Variants in MTHFSD observed in about 807,000 individuals in gnomAD.
The protein encoded by MTHFSD is methenyltetrahydrofolate synthase domain-containing protein.
A neutral mutation model predicts 31.1 loss-of-function variants in MTHFSD; 37 were observed. The ratio of observed to expected loss-of-function variants is 1.19; its 90% CI spans 0.91 to 1.56. The LOEUF is 1.56. Ranked by LOEUF, MTHFSD falls within the 40% of genes most tolerant of loss-of-function variation. The probability of loss-of-function intolerance (pLI) is 0.00; values close to 1 mark genes in which losing one functional copy is unlikely to be tolerated. For missense variants in MTHFSD, 664 were observed against 510.1 expected, an observed-to-expected ratio of 1.30 and a Z score of -2.91; for synonymous variants, 221 against 206.9, an observed-to-expected ratio of 1.07 and a Z score of -0.59.
intron 7 of MTHFSD, 164 bp downstream of exon 7, chr16:86,541,533 C>T: frequency 2.1e-6 from 2 of 936,530 alleles, no homozygotes; most frequent in Non-Finnish European, 3.2e-6. Context: ...TAGGCCTGGG[C>T]CTGGACATGG....
chr16:86,548,513 G>A lies in MTHFSD; in HGVS notation c.302C>T (p.Pro101Leu), dbSNP rs764012895. ...LRTGLFNKIT[P>L]PPGATKDILR... ...GATGTCTTTAGTTGCCCCAGGGGGTGGTGTGATCTTATTAAACAATCCCGT... is the reference window on the plus strand; with the variant it reads ...GATGTCTTTAGTTGCCCCAGGGGGTAGTGTGATCTTATTAAACAATCCCGT... Residue 101 changes from proline to leucine, a missense_variant, in exon 4 of 8, where the codon CCA becomes CTA. Physicochemically the swap from Pro to Leu is moderately conservative, Grantham distance 98. Transcript: ENST00000360900. The A allele has an allele frequency of 2.5e-6, 4 of 1,613,712 alleles. No homozygotes were observed. Among genetic ancestry groups the A allele is most frequent in the Non-Finnish European group, 3.4e-6 (4 of 1,179,948 alleles).
intron 3 of MTHFSD, among the ~76,000 whole-genome samples, chr16:86,550,896 G>A (rs1056256284): frequency 1.3e-5 from 2 of 152,178 alleles, no homozygotes; most frequent in Non-Finnish European, 2.9e-5. Context: ...AAGAGGTGTG[G>A]AAAGTGCCCC....
intron 3 of MTHFSD, among the ~76,000 whole-genome samples, chr16:86,551,029 T>C (rs1030406153): frequency 3.3e-5 from 5 of 152,240 alleles, no homozygotes; most frequent in Non-Finnish European, 7.3e-5. Flanking sequence ...GCCAGTACTA[T>C]ACTCATGTTA....
intron 7 of MTHFSD, among the ~76,000 whole-genome samples, chr16:86,537,292 T>C (rs1320565521): frequency 6.6e-6 from 1 of 152,158 alleles, no homozygotes. Flanking sequence ...GAGCAGAATA[T>C]GAAATTCCAT....
intron 5 of MTHFSD, among the ~76,000 whole-genome samples, chr16:86,545,892 A>G (rs1972223524): frequency 6.6e-6 from 1 of 152,258 alleles, no homozygotes; most frequent in Non-Finnish European, 1.5e-5. Flanking sequence ...ATGCACTGAA[A>G]GCAAAGAATA....
chr16:86,555,020 C>G (rs1306736395), intron 1 of MTHFSD, 149 bp downstream of exon 1: 14 of 1,427,354 alleles, frequency 9.8e-6, no homozygotes, highest in African/African-American at 2.9e-5. Context: ...TCGACCCGAA[C>G]CCAGCACAGA....
intron 6 of MTHFSD, 66 bp from the exon 7 acceptor site, chr16:86,541,888 G>A (rs1228880527): frequency 2.0e-5 from 32 of 1,592,114 alleles, no homozygotes; most frequent in Admixed American, 3.4e-5. Context: ...ACACTGCCCC[G>A]CTCGGTGGGA....
At position 86,532,035 on chromosome 16, in the gene MTHFSD, C is replaced by T; in HGVS notation, c.1128G>A (p.Leu376=). The change falls in exon 8 of 8, where the codon CTG becomes CTA. Residue 376 remains leucine, a synonymous_variant. Transcript: ENST00000360900. ...RLGTDTLRVA[L]ARQQRDK is the part of the protein sequence containing the mutation. ...GTCACTTGTCCCTCTGCTGCCTGGC[C>T]AGCGCCACCCTCAGGGTGTCGGTGC... The T allele has an allele frequency of 6.7e-7, 1 of 1,486,532 alleles. No homozygotes were observed. Among genetic ancestry groups the T allele is most frequent in the South Asian group, 1.3e-5 (1 of 74,570 alleles). 92.1% of individuals were successfully genotyped at this position (1,486,532 alleles called of 1,614,324 possible). A position where few individuals can be genotyped will look rare whatever the true frequency, so the allele number is the denominator to read the frequency against.
Position 86,532,289 on chromosome 16 carries a change from C to A in MTHFSD, c.874G>T (p.Ala292Ser). 1 of 1,573,874 alleles carries A rather than the reference C, an allele frequency of 6.4e-7. No individual in the cohort carries two copies. Among genetic ancestry groups the A allele is most frequent in the Non-Finnish European group, 8.6e-7 (1 of 1,162,620 alleles). The change falls in exon 8 of 8, where the codon GCA becomes TCA. Residue 292 changes from alanine (A) to serine (S), a missense_variant. Coordinates refer to ENST00000360900, the MANE Select transcript of MTHFSD (RefSeq NM_001159377.2). ...TPGPETNSME[A>S]APGSPPGEGA... The stretch of plus-strand genomic sequence containing the variant: ...TCCCCTGGTGGGGAGCCAGGGGCTG[C>A]CTCCATGGAATTGGTTTCTGGTCCG...
chr16:86,535,213 T>G, intron 7 of MTHFSD: 1 of 977,566 alleles, frequency 1.0e-6, no homozygotes, highest in Non-Finnish European at 1.2e-6. Context: ...GCAGGGGCCG[T>G]TAGAATGGAA....
chr16:86,530,471 G>A lies in MTHFSD; in HGVS notation c.*1540C>T, dbSNP rs562609137. 53 of 152,252 alleles carry A rather than the reference G, an allele frequency of 3.5e-4. No individual in the cohort carries two copies. The highest frequency in any genetic ancestry group is 3.4e-3 in the Middle Eastern group (1 of 294). The allele number at this position is 152,252 out of a possible 1,614,324, so 9.4% of individuals were successfully genotyped here. A position where few individuals can be genotyped will look rare whatever the true frequency, so the allele number is the denominator to read the frequency against. ...GCTTCTCCCTCTCCCGGCCCCAGTG[G>A]GTCTATTCCCCGAAGTCCTTGCTCC... On this transcript the variant is annotated 3_prime_UTR_variant, in exon 8 of 8. Coordinates refer to ENST00000360900, the MANE Select transcript of MTHFSD (RefSeq NM_001159377.2).
chr16:86,548,693 T>G (rs1972691659), intron 3 of MTHFSD, 116 bp from the exon 4 acceptor site: 4 of 792,242 alleles, frequency 5.0e-6, no homozygotes, highest in Non-Finnish European at 7.8e-6. Context: ...CGCATGGTTT[T>G]TTTTGGTGTG....
rs577629932 is a variant in MTHFSD, at chr16:86,541,999, G to A, written c.555+102C>T. 5.3e-5 allele frequency: 71 copies of A among 1,339,798 alleles called. 2 individuals are homozygous for A. In the South Asian group the frequency reaches 7.7e-4, roughly 15 times the overall value. The allele number at this position is 1,339,798 out of a possible 1,614,324, so 83.0% of individuals were successfully genotyped here. A position where few individuals can be genotyped will look rare whatever the true frequency, so the allele number is the denominator to read the frequency against. ...CAGCCCTGGCTGATCCACACCACTC[G>A]CCACACAGCATGGTTCAGAAGCAGA... On this transcript the variant is annotated intron_variant, in intron 6 of 7. Transcript: ENST00000360900.
At chr16:86,538,620 G>T (rs1441458375) in intron 7 of MTHFSD, among the ~76,000 whole-genome samples, 1 of 152,218 alleles carries the variant, frequency 6.6e-6, no homozygotes, top group Non-Finnish European at 1.5e-5. Flanking sequence ...ATGGCTCTCA[G>T]CCCACTACAG....
chr16:86,551,337 G>A (rs1973113440), intron 3 of MTHFSD, among the ~76,000 whole-genome samples: 1 of 152,026 alleles, frequency 6.6e-6, no homozygotes, highest in African/African-American at 2.4e-5. Flanking sequence ...ACCTTTTGAG[G>A]GTACATCAGA....
chr16:86,551,757 T>C (rs932965654), intron 3 of MTHFSD, among the ~76,000 whole-genome samples: 10 of 152,226 alleles, frequency 6.6e-5, no homozygotes, highest in Non-Finnish European at 1.2e-4. Context: ...GGGTTCCCTC[T>C]CCTGTGCCAA....
chr16:86,542,048 C>A lies in MTHFSD; in HGVS notation c.555+53G>T. On this transcript the variant is annotated intron_variant, in intron 6 of 7. Transcript: ENST00000360900. This position sits in a 1 kb window ranked among gnomAD's most constrained non-coding sequence, Gnocchi z 4.6. ...GATGAGTCTCCTTCCCCACCCCCTG[C>A]TCCCTCAGAAGAGAATGGCAGTGGC... 6.5e-7 allele frequency: 1 copy of A among 1,531,790 alleles called. No homozygotes were observed. The highest frequency in any genetic ancestry group is 1.1e-5 in the South Asian group (1 of 87,994). 94.9% of individuals were successfully genotyped at this position (1,531,790 alleles called of 1,614,324 possible). A position where few individuals can be genotyped will look rare whatever the true frequency, so the allele number is the denominator to read the frequency against.
At chr16:86,535,556 T>C (rs1970575993) in intron 7 of MTHFSD, 1 of 976,758 alleles carries the variant, frequency 1.0e-6, no homozygotes, top group Non-Finnish European at 1.2e-6. Flanking sequence ...TACTCAAACA[T>C]GAGAAAACAT....
chr16:86,553,817 C>A, intron 2 of MTHFSD: 1 of 153,062 alleles, frequency 6.5e-6, no homozygotes, highest in Non-Finnish European at 1.5e-5. Context: ...AGCTGGGCTC[C>A]TGAGGCTGGT....
Sources: allele counts gnomAD v4.1 joint callset (sites outside exome capture counted in the v4.1 genomes callset), GRCh38; gene constraint gnomAD v4.1.1; non-coding constraint Gnocchi (gnomAD v3.1); transcripts MANE v1.5; gene names NCBI Gene and HGNC (gene_info 2026-07-23, HGNC 2026-07-21).